Variants in PREX2 observed in about 807,000 individuals in gnomAD.
The protein encoded by PREX2 is phosphatidylinositol-3,4,5-trisphosphate dependent Rac exchange factor 2.
In PREX2, 107 loss-of-function variants were observed where a neutral mutation model predicts 203.2. The ratio of observed to expected loss-of-function variants is 0.53; its 90% CI spans 0.45 to 0.62. The LOEUF (loss-of-function observed/expected upper bound fraction) is 0.62, where lower values mean the gene tolerates loss of function less well. Among genes scored for constraint, PREX2 ranks in the 20% least tolerant of loss-of-function variants. The pLI, the probability that PREX2 is intolerant of heterozygous loss-of-function variation, is 0.00. For missense variants in PREX2, 1,777 were observed against 1,955.9 expected (o/e 0.91, Z 1.72); for synonymous variants, 672 against 663.6 (o/e 1.01, Z -0.19).
At chr8:68,031,453 A>C (rs1163296086) in intron 6 of PREX2, among the ~76,000 whole-genome samples, 1 of 152,188 alleles carries the variant, frequency 6.6e-6, no homozygotes, top group Non-Finnish European at 1.5e-5. Context: ...TATCACATAA[A>C]ACCAAGTGGA....
intron 37 of PREX2, among the ~76,000 whole-genome samples, chr8:68,215,609 A>G (rs1812820055): frequency 6.6e-6 from 1 of 151,842 alleles, no homozygotes; most frequent in African/African-American, 2.4e-5. Context: ...ATCTCTGCTC[A>G]CTGCAAGCTC....
Position 68,192,451 on chromosome 8 carries a change from G to T in PREX2, c.4530G>T (p.Leu1510=), listed in dbSNP as rs762744807. 7 of 1,613,912 alleles carry T rather than the reference G, an allele frequency of 4.3e-6. No individual in the cohort carries two copies. In the Admixed American group the frequency reaches 5.0e-5, roughly 12 times the overall value. The change falls in exon 37 of 40, where the codon CTG becomes CTT. Residue 1510 remains leucine (L), a synonymous_variant. Coordinates refer to ENST00000288368, the MANE Select transcript of PREX2 (RefSeq NM_024870.4). The part of the protein sequence containing the change: ...NTACSASGVG[L]LSVSSELCNR... ...CTTGCAGTGCTTCTGGGGTTGGACT[G>T]CTGTCAGTTTCCTCGGAGCTGTGCA...
Position 68,031,452 on chromosome 8 carries a change from A to G in PREX2, c.705+794A>G, listed in dbSNP as rs550670892. ...TCCTAGCCAAATACTGTATCACATA[A>G]AACCAAGTGGATTGCTTTTATCTTT... On this transcript the variant is annotated intron_variant, in intron 6 of 39. Transcript: ENST00000288368. Among the ~76,000 whole-genome samples, 11 of 152,314 alleles carry G rather than the reference A, an allele frequency of 7.2e-5. No individual in the cohort carries two copies. In the South Asian group the frequency reaches 2.3e-3, roughly 32 times the overall value.
At chr8:68,118,319 C>T (rs1321246597) in intron 26 of PREX2, among the ~76,000 whole-genome samples, 1 of 149,526 alleles carries the variant, frequency 6.7e-6, no homozygotes, top group African/African-American at 2.5e-5. Context: ...CGCACCACTG[C>T]ACTCCAGTCT....
Position 68,044,346 on chromosome 8 carries a change from G to C in PREX2, c.840-141G>C, listed in dbSNP as rs1808280548. 9.9e-6 allele frequency: 6 copies of C among 605,930 alleles called. No homozygotes were observed. In the South Asian group the frequency reaches 1.3e-4, roughly 14 times the overall value. 37.5% of individuals were successfully genotyped at this position (605,930 alleles called of 1,614,324 possible). ...TGCTGTTATGAATGGGAGGACAAAT[G>C]GAAAGATCTCCAGGAGTCTAATGTT... On this transcript the variant is annotated intron_variant, in intron 7 of 39. Coordinates refer to ENST00000288368, the MANE Select transcript of PREX2 (RefSeq NM_024870.4).
At chr8:68,098,678 C>T (rs1810162257) in intron 22 of PREX2, among the ~76,000 whole-genome samples, 2 of 151,148 alleles carry the variant, frequency 1.3e-5, no homozygotes, top group Admixed American at 1.3e-4. Context: ...GGATTTTACA[C>T]ATGAAGAAAA....
chr8:68,085,628 G>A (rs190895361), intron 18 of PREX2, among the ~76,000 whole-genome samples: 2 of 152,092 alleles, frequency 1.3e-5, no homozygotes, highest in East Asian at 3.9e-4. Flanking sequence ...TAGAACATCC[G>A]TCTTGTATAA....
chr8:68,019,248 C>G (rs1807492904), intron 2 of PREX2, among the ~76,000 whole-genome samples: 1 of 152,194 alleles, frequency 6.6e-6, no homozygotes, highest in African/African-American at 2.4e-5. Flanking sequence ...ATGCCCTTTC[C>G]AGAAAAGCCT....
intron 23 of PREX2, chr8:68,105,683 A>G (rs1454016351): frequency 8.5e-6 from 2 of 236,424 alleles, no homozygotes; most frequent in Non-Finnish European, 1.3e-5. Flanking sequence ...TATATGGATT[A>G]TATATATATA....
chr8:68,100,200 AAG>A, intron 23 of PREX2: 1 of 461,812 alleles, frequency 2.2e-6, no homozygotes, highest in Non-Finnish European at 4.3e-6. Flanking sequence ...TCTCCCAACT[AAG>A]AGAATGAAAA....
At chr8:68,167,513 G>T (rs1585840795) in intron 35 of PREX2, among the ~76,000 whole-genome samples, 1 of 151,780 alleles carries the variant, frequency 6.6e-6, no homozygotes, top group East Asian at 1.9e-4. Flanking sequence ...TGTATTTTTT[G>T]GTAGAGACGG....
At chr8:68,092,671 A>G (rs529972524) in intron 20 of PREX2, among the ~76,000 whole-genome samples, 2 of 152,294 alleles carry the variant, frequency 1.3e-5, no homozygotes, top group South Asian at 4.1e-4. Context: ...GAGATGAATG[A>G]TGTCCTTCCA....
chr8:68,097,106 G>A lies in PREX2; in HGVS notation c.2458G>A (p.Gly820Ser). 6.2e-7 allele frequency: 1 copy of A among 1,613,946 alleles called. No individual in the cohort carries two copies. Among genetic ancestry groups the A allele is most frequent in the South Asian group, 1.1e-5 (1 of 91,070 alleles). Reference protein sequence around the residue: ...LTVDNVHLEYGVVYEYDSTAG... With the variant: ...LTVDNVHLEYSVVYEYDSTAG... ...AGTGGACAATGTCCACCTGGAATATGGTGTCGTGTATGAGTACGACAGCAC... is the reference window on the plus strand; with the variant it reads ...AGTGGACAATGTCCACCTGGAATATAGTGTCGTGTATGAGTACGACAGCAC... The change falls in exon 22 of 40, where the codon GGT becomes AGT. Residue 820 changes from glycine (G) to serine (S), a missense_variant. Physicochemically the swap from Gly to Ser is moderately conservative, Grantham distance 56. Transcript: ENST00000288368.
At chr8:68,047,486 T>C (rs1199615946) in intron 8 of PREX2, among the ~76,000 whole-genome samples, 1 of 103,562 alleles carries the variant, frequency 9.7e-6, no homozygotes, top group African/African-American at 6.4e-5. Flanking sequence ...TATATATATA[T>C]ATATATATAT....
chr8:68,018,615 C>T (rs1807476125), intron 2 of PREX2, among the ~76,000 whole-genome samples: 1 of 151,982 alleles, frequency 6.6e-6, no homozygotes, highest in African/African-American at 2.4e-5. Context: ...TCTCTGTGAT[C>T]ACTGAAGAAC....
chr8:68,070,798 A>G (rs1171165369), intron 13 of PREX2, among the ~76,000 whole-genome samples: 1 of 152,196 alleles, frequency 6.6e-6, no homozygotes, highest in African/African-American at 2.4e-5. Flanking sequence ...TGCTAAGTAT[A>G]TTGGAATGCC....
chr8:68,049,239 A>AT (rs1231009427), intron 8 of PREX2, among the ~76,000 whole-genome samples: 3 of 150,884 alleles, frequency 2.0e-5, no homozygotes, highest in Non-Finnish European at 4.4e-5. Context: ...AATGTTAAAT[A>AT]TTTATGAAGA....
At chr8:67,999,311 C>A (rs1350899366) in intron 1 of PREX2, among the ~76,000 whole-genome samples, 1 of 151,852 alleles carries the variant, frequency 6.6e-6, no homozygotes, top group Non-Finnish European at 1.5e-5. Flanking sequence ...TAGAGAAATA[C>A]AAACAACCAT....
intron 1 of PREX2, among the ~76,000 whole-genome samples, chr8:67,961,768 A>G (rs1222649112): frequency 6.6e-6 from 1 of 152,204 alleles, no homozygotes; most frequent in Admixed American, 6.5e-5. Context: ...CGGTGATTTC[A>G]GACTTTGATT....
Sources: allele counts gnomAD v4.1 joint callset (sites outside exome capture counted in the v4.1 genomes callset), GRCh38; gene constraint gnomAD v4.1.1; transcripts MANE v1.5; gene names NCBI Gene and HGNC (gene_info 2026-07-23, HGNC 2026-07-21).